LRFN5: variants seen among roughly 807,000 people sequenced by gnomAD.
LRFN5 encodes the protein leucine rich repeat and fibronectin type III domain containing 5, also known as leucine-rich repeat and fibronectin type-III domain-containing protein 5.
In LRFN5, 24 loss-of-function variants were observed where a neutral mutation model predicts 45.6. That is an observed-to-expected ratio of 0.53 (90% CI 0.38 to 0.74). The LOEUF is 0.74. Among genes scored for constraint, LRFN5 ranks in the 30% least tolerant of loss-of-function variants. The pLI is 0.00. For synonymous variants in LRFN5, 340 were observed against 313.8 expected (o/e 1.08, Z -0.88); for missense variants, 776 against 861.5 (o/e 0.90, Z 1.24).
intron 2 of LRFN5, among the ~76,000 whole-genome samples, chr14:41,841,320 A>T (rs1888851410): frequency 6.6e-6 from 1 of 151,930 alleles, no homozygotes; most frequent in Non-Finnish European, 1.5e-5. Flanking sequence ...GAAAAGTAAA[A>T]TGGCTTCACT....
At chr14:41,803,773 G>C (rs973819075) in intron 2 of LRFN5, among the ~76,000 whole-genome samples, 1 of 152,130 alleles carries the variant, frequency 6.6e-6, no homozygotes, top group African/African-American at 2.4e-5. Context: ...CTGTTGCCCA[G>C]ATAGAGCTGA....
At chr14:41,781,661 GAAAGGAAAGAAA>G (rs1886528554) in intron 2 of LRFN5, among the ~76,000 whole-genome samples, 1 of 146,512 alleles carries the variant, frequency 6.8e-6, no homozygotes, top group African/African-American at 2.5e-5. Flanking sequence ...AAGAAAGAAA[GAAAGGAAAGAAA>G]GAAAGAAAGA....
chr14:41,753,894 G>A (rs1885251383), intron 1 of LRFN5, among the ~76,000 whole-genome samples: 1 of 152,134 alleles, frequency 6.6e-6, no homozygotes, highest in Non-Finnish European at 1.5e-5. Flanking sequence ...TATATTGGCT[G>A]TGGGTTTGTC....
chr14:41,833,546 C>A (rs1294667332), intron 2 of LRFN5, among the ~76,000 whole-genome samples: 4 of 152,186 alleles, frequency 2.6e-5, no homozygotes, highest in African/African-American at 9.6e-5. Context: ...TTCTCAAAGT[C>A]CTGCCTGCTG....
At chr14:41,814,299 T>C (rs1286363511) in intron 2 of LRFN5, among the ~76,000 whole-genome samples, 1 of 152,172 alleles carries the variant, frequency 6.6e-6, no homozygotes, top group Non-Finnish European at 1.5e-5. Flanking sequence ...TTTCTAATCC[T>C]TTCTTATTAT....
At chr14:41,781,608 GAAAGA>G (rs1886512417) in intron 2 of LRFN5, among the ~76,000 whole-genome samples, 1 of 83,542 alleles carries the variant, frequency 1.2e-5, no homozygotes, top group African/African-American at 5.9e-5. Flanking sequence ...AAGAAAGAAA[GAAAGA>G]AAGAGAAAGA....
chr14:41,721,775 C>T (rs1440138137), intron 1 of LRFN5, among the ~76,000 whole-genome samples: 2 of 152,090 alleles, frequency 1.3e-5, no homozygotes, highest in Non-Finnish European at 2.9e-5. Context: ...GTAATCTAGT[C>T]TTTTTCTCAA....
At chr14:41,781,439 A>C (rs933115956) in intron 2 of LRFN5, among the ~76,000 whole-genome samples, 21 of 142,166 alleles carry the variant, frequency 1.5e-4, no homozygotes, top group African/African-American at 5.3e-4. Context: ...TTGAGACTGC[A>C]TTGAGTCGTG....
At chr14:41,741,024 G>A (rs1378642345) in intron 1 of LRFN5, among the ~76,000 whole-genome samples, 3 of 149,948 alleles carry the variant, frequency 2.0e-5, no homozygotes, top group Non-Finnish European at 4.4e-5. Flanking sequence ...TAACTGAAGA[G>A]GTGAATGATT....
intron 2 of LRFN5, among the ~76,000 whole-genome samples, chr14:41,831,818 A>G: frequency 6.6e-6 from 1 of 152,252 alleles, no homozygotes; most frequent in Middle Eastern, 3.4e-3. Context: ...ACCAAAGACT[A>G]GGTGACTTCA....
At chr14:41,677,335 T>C (rs955695161) in intron 1 of LRFN5, among the ~76,000 whole-genome samples, 25 of 152,010 alleles carry the variant, frequency 1.6e-4, no homozygotes, top group African/African-American at 5.8e-4. Context: ...AAGACAATTA[T>C]AAAGCATTCA....
intron 2 of LRFN5, among the ~76,000 whole-genome samples, chr14:41,790,766 C>A (rs536060960): frequency 1.4e-5 from 1 of 69,356 alleles, no homozygotes; most frequent in East Asian, 1.2e-3. Context: ...TGGTAGGGAA[C>A]CATGGTCTTT....
At chr14:41,633,682 A>G (rs1888627291) in intron 1 of LRFN5, among the ~76,000 whole-genome samples, 1 of 152,130 alleles carries the variant, frequency 6.6e-6, no homozygotes, top group African/African-American at 2.4e-5. Context: ...TCTTTTTTTC[A>G]ATTACATTTT....
intron 4 of LRFN5, among the ~76,000 whole-genome samples, chr14:41,897,801 T>C (rs1890987862): frequency 6.6e-6 from 1 of 152,088 alleles, no homozygotes; most frequent in South Asian, 2.1e-4. Flanking sequence ...AAACGAAATA[T>C]TTTCAAATTC....
intron 1 of LRFN5, among the ~76,000 whole-genome samples, chr14:41,648,577 T>C (rs1879932812): frequency 6.6e-6 from 1 of 152,144 alleles, no homozygotes; most frequent in Non-Finnish European, 1.5e-5. Context: ...TTAAGACATG[T>C]ATAAAAACTT....
intron 2 of LRFN5, among the ~76,000 whole-genome samples, chr14:41,875,125 T>A (rs1890145128): frequency 6.6e-6 from 1 of 152,234 alleles, no homozygotes; most frequent in Non-Finnish European, 1.5e-5. Flanking sequence ...ATTGTACTTA[T>A]CTCCTGGAGG....
chr14:41,802,685 T>G (rs1887378817), intron 2 of LRFN5, among the ~76,000 whole-genome samples: 1 of 152,190 alleles, frequency 6.6e-6, no homozygotes, highest in Non-Finnish European at 1.5e-5. Context: ...TTCCTTCCAG[T>G]TAAGTAAATT....
chr14:41,795,304 T>C (rs1887079837), intron 2 of LRFN5, among the ~76,000 whole-genome samples: 1 of 152,000 alleles, frequency 6.6e-6, no homozygotes, highest in Non-Finnish European at 1.5e-5. Context: ...TGTGGAGAAA[T>C]AGGAACAATT....
chr14:41,874,806 T>A (rs973234136), intron 2 of LRFN5, among the ~76,000 whole-genome samples: 6 of 152,212 alleles, frequency 3.9e-5, no homozygotes, highest in African/African-American at 1.4e-4. Flanking sequence ...TTAGCGGGGC[T>A]GGAAAGGCCT....
Sources: allele counts gnomAD v4.1 joint callset (sites outside exome capture counted in the v4.1 genomes callset), GRCh38; gene constraint gnomAD v4.1.1; transcripts MANE v1.5; gene names NCBI Gene and HGNC (gene_info 2026-07-23, HGNC 2026-07-21).